ZFHX3: variants seen among roughly 807,000 people sequenced by gnomAD.
ZFHX3 encodes zinc finger homeobox 3.
ZFHX3 carries 42 observed loss-of-function variants against 279.1 expected under a neutral mutation model. The ratio of observed to expected loss-of-function variants is 0.15; its 90% CI spans 0.12 to 0.19. The LOEUF (loss-of-function observed/expected upper bound fraction) is 0.19. ZFHX3 is among the 10% of genes least tolerant of loss of function. The pLI, the probability that ZFHX3 is intolerant of heterozygous loss-of-function variation, is 1.00. For missense variants in ZFHX3, 4,981 were observed against 4,754.0 expected (o/e 1.05, Z -1.40); for synonymous variants, 2,293 against 1,957.8 (o/e 1.17, Z -4.52).
At chr16:73,272,769 C>A (rs1049118304) in intron 4 of ZFHX3, among the ~76,000 whole-genome samples, 2 of 152,076 alleles carry the variant, frequency 1.3e-5, no homozygotes, top group Non-Finnish European at 2.9e-5. Flanking sequence ...TTTTTTGAGA[C>A]AGAGTGTTAC....
At chr16:73,788,054 T>TA (rs908207834) in intron 1 of ZFHX3, among the ~76,000 whole-genome samples, 2 of 151,860 alleles carry the variant, frequency 1.3e-5, no homozygotes, top group Non-Finnish European at 2.9e-5. Context: ...CTCTGGGAGC[T>TA]AAAAAACAAC....
At chr16:73,889,941 C>T (rs1264175855) in intron 1 of ZFHX3, among the ~76,000 whole-genome samples, 1 of 152,138 alleles carries the variant, frequency 6.6e-6, no homozygotes, top group Non-Finnish European at 1.5e-5. Flanking sequence ...AATGGAGTTG[C>T]TTTGGATTTT....
intron 5 of ZFHX3, among the ~76,000 whole-genome samples, chr16:73,243,607 G>C (rs142323433): frequency 2.6e-5 from 4 of 152,282 alleles, no homozygotes; most frequent in African/African-American, 4.8e-5. Context: ...CTCGTTGCTA[G>C]ATGGAACTGA....
rs779741152 is a variant in ZFHX3 at position 72,958,011 on chromosome 16, C to T, written c.2135G>A (p.Arg712Gln). Residue 712 changes from arginine to glutamine, a missense_variant, in exon 2 of 10, where the codon CGG becomes CAG. Physicochemically the swap from Arg to Gln is conservative, Grantham distance 43. Transcript: ENST00000268489. Reference protein sequence around the residue: ...VYCKSGQPHPRLARGESYTCG... With the variant: ...VYCKSGQPHPQLARGESYTCG... ...CGTGTAGCTCTCGCCTCGTGCCAGC[C>T]GGGGGTGGGGCTGCCCGCTTTTGCA... 4.4e-6 allele frequency: 7 copies of T among 1,608,990 alleles called. No individual in the cohort carries two copies. Among genetic ancestry groups the T allele is most frequent in the South Asian group, 1.1e-5 (1 of 90,616 alleles).
chr16:73,380,180 C>T (rs1239024407), intron 3 of ZFHX3, among the ~76,000 whole-genome samples: 1 of 152,022 alleles, frequency 6.6e-6, no homozygotes, highest in African/African-American at 2.4e-5. Context: ...TGATAAAGGA[C>T]ATATAATATC....
chr16:73,156,560 T>G (rs1967090221), intron 5 of ZFHX3, among the ~76,000 whole-genome samples: 1 of 152,156 alleles, frequency 6.6e-6, no homozygotes, highest in East Asian at 1.9e-4. Flanking sequence ...TTTCTTTTAA[T>G]TTAATTTAAT....
intron 1 of ZFHX3, among the ~76,000 whole-genome samples, chr16:73,029,877 T>C (rs1964632727): frequency 1.3e-5 from 2 of 152,166 alleles, no homozygotes; most frequent in Non-Finnish European, 2.9e-5. Flanking sequence ...TCTGCTCCAA[T>C]AAGGAGAATG....
intron 2 of ZFHX3, among the ~76,000 whole-genome samples, chr16:73,648,614 G>T (rs899744522): frequency 5.3e-5 from 8 of 152,052 alleles, no homozygotes; most frequent in African/African-American, 1.9e-4. Context: ...ATTTCACCAC[G>T]TTGGCCAGGC....
intron 2 of ZFHX3, among the ~76,000 whole-genome samples, chr16:73,506,692 G>C (rs528743294): frequency 7.2e-5 from 11 of 152,162 alleles, no homozygotes; most frequent in South Asian, 6.2e-4. Flanking sequence ...TTCTGCTTAG[G>C]TGCAATTTTA....
At chr16:73,846,494 G>A (rs1457972430) in intron 1 of ZFHX3, among the ~76,000 whole-genome samples, 3 of 152,086 alleles carry the variant, frequency 2.0e-5, no homozygotes, top group Admixed American at 6.6e-5. Flanking sequence ...GTATTCCCTC[G>A]AGGCCAATCT....
rs534334037 is a variant in ZFHX3, at chr16:73,652,270, A to C, written c.-1547+27910T>G. On this transcript the variant is annotated intron_variant, in intron 2 of 17. Transcript: ENST00000641206. Reference sequence around the variant, plus strand: ...TGCTACCACTCGTACCAAGGAGAGAACACTTTGGCTTTTTTATAAGCTTGC... The same window carrying C: ...TGCTACCACTCGTACCAAGGAGAGACCACTTTGGCTTTTTTATAAGCTTGC... Among the ~76,000 whole-genome samples the C allele has an allele frequency of 1.7e-4, 26 of 152,314 alleles. 1 individual carries two copies. In the East Asian group the frequency reaches 4.4e-3, roughly 26 times the overall value.
chr16:73,603,806 C>G (rs1447996344), intron 2 of ZFHX3, among the ~76,000 whole-genome samples: 1 of 132,352 alleles, frequency 7.6e-6, no homozygotes, highest in Non-Finnish European at 1.5e-5. Flanking sequence ...TGGAGTCTGG[C>G]TCTCTCACCC....
intron 4 of ZFHX3, among the ~76,000 whole-genome samples, chr16:72,832,441 G>A (rs181683204): frequency 3.3e-5 from 5 of 152,112 alleles, no homozygotes; most frequent in Non-Finnish European, 7.3e-5. Context: ...GAGTTCCGAT[G>A]AGAGGATCAA....
rs184867554 is a variant in ZFHX3 at position 73,071,748 on chromosome 16, G to A, written c.-532-12736C>T. Among the ~76,000 whole-genome samples the A allele has an allele frequency of 2.7e-3, 417 of 152,362 alleles. 2 individuals are homozygous for A. The highest frequency in any genetic ancestry group is 9.8e-3 in the African/African-American group (406 of 41,590). The stretch of plus-strand genomic sequence containing the variant: ...CCAGAGCATGCAGTTTAGAGGAAAT[G>A]TTTAATAAAGACATGGGAGCCTCAA... On this transcript the variant is annotated intron_variant, in intron 8 of 17. Coordinates refer to the ZFHX3 transcript ENST00000641206.
At chr16:73,761,297 C>G (rs1027026996) in intron 1 of ZFHX3, among the ~76,000 whole-genome samples, 9 of 152,056 alleles carry the variant, frequency 5.9e-5, no homozygotes, top group Admixed American at 2.0e-4. Context: ...AGGACCTCTT[C>G]AAGGAGAACT....
intron 4 of ZFHX3, among the ~76,000 whole-genome samples, chr16:73,300,279 AAAAAAG>A (rs1358730559): frequency 6.6e-6 from 1 of 150,426 alleles, no homozygotes; most frequent in Non-Finnish European, 1.5e-5. Context: ...AAAAAAAAAA[AAAAAAG>A]GACTCCCTGA....
At chr16:73,219,394 T>G (rs2144918562) in intron 5 of ZFHX3, among the ~76,000 whole-genome samples, 1 of 152,302 alleles carries the variant, frequency 6.6e-6, no homozygotes, top group Admixed American at 6.5e-5. Context: ...GTTCACATTC[T>G]TGCCTCTAGG....
At chr16:73,868,570 T>C (rs1363946033) in intron 1 of ZFHX3, among the ~76,000 whole-genome samples, 1 of 152,184 alleles carries the variant, frequency 6.6e-6, no homozygotes, top group African/African-American at 2.4e-5. Context: ...CTGAGTGGCA[T>C]TCCCACAGCT....
intron 5 of ZFHX3, among the ~76,000 whole-genome samples, chr16:73,161,894 T>C (rs1206387025): frequency 6.6e-6 from 1 of 152,170 alleles, no homozygotes; most frequent in Non-Finnish European, 1.5e-5. Flanking sequence ...GACTTTCAAC[T>C]GAGAAGAAGA....
Sources: gnomAD v4.1 joint callset for allele counts (sites outside exome capture counted in the v4.1 genomes callset) on GRCh38, gnomAD v4.1.1 for gene constraint, MANE v1.5 for transcripts, NCBI Gene and HGNC (gene_info 2026-07-23, HGNC 2026-07-21) for gene names.